The following UBE2E3 variants were observed in gnomAD, a reference collection of about 807,000 sequenced individuals.
UBE2E3 encodes the protein ubiquitin conjugating enzyme E2 E3.
In UBE2E3, 5 loss-of-function variants were observed where a neutral mutation model predicts 23.6. The ratio of observed to expected loss-of-function variants is 0.21; its 90% confidence interval spans 0.11 to 0.44. The LOEUF (loss-of-function observed/expected upper bound fraction) is 0.44. Ranked by LOEUF, UBE2E3 falls within the 20% of genes least tolerant of loss-of-function variation. UBE2E3 has a pLI of 0.99. For missense variants in UBE2E3, 81 were observed against 249.8 expected (o/e 0.32, Z 4.55); for synonymous variants, 78 against 87.5 (o/e 0.89, Z 0.60).
chr2:181,014,982 C>T (rs1378214314), intron 3 of UBE2E3, among the ~76,000 whole-genome samples: 1 of 152,056 alleles, frequency 6.6e-6, no homozygotes, highest in East Asian at 1.9e-4. Context: ...AGGAAGAGAA[C>T]GGTGATGCCT....
intron 3 of UBE2E3, among the ~76,000 whole-genome samples, chr2:181,042,907 C>T (rs1344136782): frequency 6.6e-6 from 1 of 152,128 alleles, no homozygotes; most frequent in Admixed American, 6.5e-5. Flanking sequence ...GTAAATGCAA[C>T]CAGATTTTTA....
At chr2:181,055,231 A>T (rs1052698034) in intron 3 of UBE2E3, among the ~76,000 whole-genome samples, 1 of 151,738 alleles carries the variant, frequency 6.6e-6, no homozygotes, top group East Asian at 1.9e-4. Flanking sequence ...ACTCGAAGGG[A>T]GAGAGAAATA....
chr2:181,027,820 C>CT (rs1685946469), intron 3 of UBE2E3, among the ~76,000 whole-genome samples: 1 of 151,842 alleles, frequency 6.6e-6, no homozygotes, highest in Admixed American at 6.6e-5. Context: ...TTTGATTGTA[C>CT]AGAAAAAAGT....
At chr2:180,994,535 G>A (rs1260208475) in intron 3 of UBE2E3, among the ~76,000 whole-genome samples, 2 of 152,128 alleles carry the variant, frequency 1.3e-5, no homozygotes, top group African/African-American at 4.8e-5. Flanking sequence ...AAAATTTTCA[G>A]TAGCTCCGTA....
intron 3 of UBE2E3, among the ~76,000 whole-genome samples, chr2:181,021,357 C>CTT (rs5836764): frequency 2.1e-5 from 3 of 144,972 alleles, no homozygotes; most frequent in African/African-American, 2.5e-5. Flanking sequence ...CTTTTCTCTT[C>CTT]TTTTTTTTTT....
chr2:181,060,841 TA>T (rs750209475), intron 5 of UBE2E3, 29 bp downstream of exon 5: 1 of 798,100 alleles, frequency 1.3e-6, no homozygotes, highest in Non-Finnish European at 1.9e-6. Flanking sequence ...ACATGTACAA[TA>T]AGACTACAAA....
At chr2:181,055,215 A>G (rs534137834) in intron 3 of UBE2E3, among the ~76,000 whole-genome samples, 2 of 151,908 alleles carry the variant, frequency 1.3e-5, no homozygotes, top group East Asian at 2.0e-4. Context: ...GATGATTGAG[A>G]TGGAAACTCG....
chr2:181,059,784 C>T (rs1687089568), intron 4 of UBE2E3, among the ~76,000 whole-genome samples: 1 of 151,604 alleles, frequency 6.6e-6, no homozygotes, highest in South Asian at 2.1e-4. Flanking sequence ...GTGTTGGTCC[C>T]CTACCCCCTC....
chr2:181,048,424 A>G (rs899994751), intron 3 of UBE2E3, among the ~76,000 whole-genome samples: 8 of 151,938 alleles, frequency 5.3e-5, no homozygotes, highest in Non-Finnish European at 1.0e-4. Flanking sequence ...ACTTTTTTTG[A>G]TTCAAAGTAA....
intron 3 of UBE2E3, among the ~76,000 whole-genome samples, chr2:180,990,845 CATT>C (rs1003838284): frequency 2.0e-5 from 3 of 152,180 alleles, no homozygotes; most frequent in Non-Finnish European, 2.9e-5. Flanking sequence ...TTATTTTCAT[CATT>C]ATGACAATAC....
chr2:181,017,722 CTTTG>C (rs746503680), intron 3 of UBE2E3, among the ~76,000 whole-genome samples: 48 of 145,144 alleles, frequency 3.3e-4, no homozygotes, highest in Non-Finnish European at 6.2e-4. Context: ...TTTTGTTTTT[CTTTG>C]TTTGTTTCCT....
At chr2:180,994,859 T>C (rs958082102) in intron 3 of UBE2E3, among the ~76,000 whole-genome samples, 2 of 152,194 alleles carry the variant, frequency 1.3e-5, no homozygotes, top group African/African-American at 2.4e-5. Flanking sequence ...AAACCTATTA[T>C]AAAAAGTTAG....
chr2:181,059,279 T>A (rs1687065663), intron 4 of UBE2E3, among the ~76,000 whole-genome samples: 1 of 151,762 alleles, frequency 6.6e-6, no homozygotes, highest in Admixed American at 6.6e-5. Context: ...TTGGAAAAGT[T>A]GAGCTTCTTG....
intron 3 of UBE2E3, among the ~76,000 whole-genome samples, chr2:181,035,282 T>A (rs192247899): frequency 6.6e-5 from 10 of 152,320 alleles, no homozygotes; most frequent in Admixed American, 3.3e-4. Flanking sequence ...ATATTCCTTT[T>A]TCTGAACTAT....
chr2:181,009,826 G>C (rs991107643), intron 3 of UBE2E3, among the ~76,000 whole-genome samples: 1 of 152,044 alleles, frequency 6.6e-6, no homozygotes, highest in Non-Finnish European at 1.5e-5. Context: ...ATGTAAGTTT[G>C]TATTAATAAA....
At chr2:181,011,654 G>A (rs1348733729) in intron 3 of UBE2E3, among the ~76,000 whole-genome samples, 2 of 152,174 alleles carry the variant, frequency 1.3e-5, no homozygotes, top group Non-Finnish European at 2.9e-5. Context: ...GCTAGGTAAT[G>A]TCTTTCTATT....
chr2:181,008,705 A>G (rs1427881960), intron 3 of UBE2E3, among the ~76,000 whole-genome samples: 3 of 152,202 alleles, frequency 2.0e-5, no homozygotes, highest in Admixed American at 2.0e-4. Context: ...GACTAGTTAA[A>G]GGGAACGTCA....
intron 3 of UBE2E3, among the ~76,000 whole-genome samples, chr2:181,018,591 T>C (rs1330144458): frequency 1.5e-5 from 2 of 133,512 alleles, no homozygotes; most frequent in Admixed American, 7.8e-5. Flanking sequence ...TTTGTTTCAA[T>C]TTCTGTGTTT....
intron 3 of UBE2E3, among the ~76,000 whole-genome samples, chr2:181,032,763 G>A (rs954852422): frequency 2.6e-5 from 4 of 152,030 alleles, no homozygotes; most frequent in African/African-American, 4.8e-5. Context: ...TTGGGCAAGC[G>A]CTTTAATTTA....
Sources: gnomAD v4.1 joint callset for allele counts (sites outside exome capture counted in the v4.1 genomes callset) on GRCh38, gnomAD v4.1.1 for gene constraint, MANE v1.5 for transcripts, NCBI Gene and HGNC (gene_info 2026-07-23, HGNC 2026-07-21) for gene names.